The following KIF18A variants were observed in gnomAD, a reference collection of about 807,000 sequenced individuals.
The protein encoded by KIF18A is kinesin family member 18A.
A neutral mutation model predicts 103.3 loss-of-function variants in KIF18A; 67 were observed. The observed-to-expected ratio is 0.65, with a 90% CI of 0.53 to 0.79. KIF18A has a LOEUF of 0.79. Among genes scored for constraint, KIF18A ranks in the 30% least tolerant of loss-of-function variants. KIF18A has a pLI of 0.00. For missense variants in KIF18A, 1,032 were observed against 1,062.5 expected (o/e 0.97, Z 0.40); for synonymous variants, 367 against 355.5 (o/e 1.03, Z -0.36).
intron 13 of KIF18A, among the ~76,000 whole-genome samples, chr11:28,048,710 A>G (rs1850671487): frequency 6.6e-6 from 1 of 152,154 alleles, no homozygotes; most frequent in Non-Finnish European, 1.5e-5. Context: ...AAGGAATAAA[A>G]AACTTAAAAG....
At chr11:28,091,924 TG>T (rs1851310159) in intron 3 of KIF18A, among the ~76,000 whole-genome samples, 1 of 152,214 alleles carries the variant, frequency 6.6e-6, no homozygotes, top group African/African-American at 2.4e-5. Flanking sequence ...CTCACCATTC[TG>T]CTGCCTCAGC....
chr11:28,106,833 T>C (rs1311762907), intron 1 of KIF18A, among the ~76,000 whole-genome samples: 2 of 151,934 alleles, frequency 1.3e-5, no homozygotes, highest in African/African-American at 4.8e-5. Flanking sequence ...TAGCCGAGTG[T>C]GGTGGCAAAC....
rs768322186 is a variant in KIF18A at position 28,036,405 on chromosome 11, G to A, written c.2208C>T (p.Ser736=). The A allele has an allele frequency of 6.2e-7, 1 of 1,611,044 alleles. No homozygotes were observed. The highest frequency in any genetic ancestry group is 1.1e-5 in the South Asian group (1 of 90,996). ...GACAATTATCACTGTTTATGTTTGA[G>A]CTGATAGCCTGAAAACTTGTAGTAA... ...SSFTTSFQAI[S]SNINSDNCLK... Residue 736 remains serine (S), a synonymous_variant, in exon 14 of 17, where the codon AGC becomes AGT. Coordinates refer to ENST00000263181, the MANE Select transcript of KIF18A (RefSeq NM_031217.4).
At chr11:28,073,036 T>C (rs181555358) in intron 10 of KIF18A, among the ~76,000 whole-genome samples, 21 of 152,240 alleles carry the variant, frequency 1.4e-4, no homozygotes, top group African/African-American at 4.6e-4. Flanking sequence ...GATTTTAGAC[T>C]CCTAGCAACC....
Position 28,023,832 on chromosome 11 carries a change from C to T in KIF18A, c.2523G>A (p.Ser841=), listed in dbSNP as rs763268791. ...ATCCAGAATTTACGTCTGCAGTTAA[C>T]GAACTGTTTGATGTAGAACTTGAGA... is the stretch of plus-strand genomic sequence containing the variant. The part of the protein sequence containing the change: ...RKLTSSTSNS[S]LTADVNSGFA... The change falls in exon 16 of 17, where the codon TCG becomes TCA. Residue 841 remains serine, a synonymous_variant. Transcript: ENST00000263181. 1.9e-5 allele frequency: 30 copies of T among 1,609,600 alleles called. No homozygotes were observed. Among genetic ancestry groups the T allele is most frequent in the East Asian group, 4.5e-5 (2 of 44,758 alleles).
chr11:28,031,241 A>G (rs907328742), intron 15 of KIF18A, among the ~76,000 whole-genome samples: 1 of 152,206 alleles, frequency 6.6e-6, no homozygotes, highest in Non-Finnish European at 1.5e-5. Flanking sequence ...ACGTATGTTT[A>G]TTGCGGCACT....
chr11:28,052,155 C>T (rs1211403428), intron 13 of KIF18A, among the ~76,000 whole-genome samples: 1 of 152,078 alleles, frequency 6.6e-6, no homozygotes, highest in African/African-American at 2.4e-5. Flanking sequence ...CATCTTTTGC[C>T]TGGGTTATTC....
chr11:28,093,931 CA>C (rs1851334612), intron 3 of KIF18A, among the ~76,000 whole-genome samples: 1 of 152,124 alleles, frequency 6.6e-6, no homozygotes, highest in Admixed American at 6.5e-5. Context: ...AACGTATCTT[CA>C]AAGTGGAGAA....
chr11:28,049,897 T>C (rs1001568308), intron 13 of KIF18A, among the ~76,000 whole-genome samples: 1 of 151,850 alleles, frequency 6.6e-6, no homozygotes, highest in Non-Finnish European at 1.5e-5. Context: ...ACTTATCTTA[T>C]AAGATAAAGT....
At position 28,084,746 on chromosome 11, in the gene KIF18A, A is replaced by G. The variant is rs1184571358; in HGVS notation, c.960T>C (p.Leu320=). 6.2e-7 allele frequency: 1 copy of G among 1,612,996 alleles called. No homozygotes were observed. The highest frequency in any genetic ancestry group is 1.1e-5 in the South Asian group (1 of 91,046). Residue 320 remains leucine (L), a synonymous_variant, in exon 7 of 17, where the codon CTT becomes CTC. Transcript: ENST00000263181. ...SKLTRLLKDS[L]GGNCQTIMIA... is the part of the protein sequence containing the mutation. ...TCATTATAGTTTGACAGTTTCCTCC[A>G]AGAGAATCCTTTAACAAGCGAGTAA...
At chr11:28,035,535 T>G (rs1850475063) in intron 14 of KIF18A, 41 bp from the exon 15 acceptor site, 29 of 1,219,876 alleles carry the variant, frequency 2.4e-5, no homozygotes, top group Non-Finnish European at 3.3e-5. Flanking sequence ...ATAATTTTGA[T>G]TTGAACTATG....
At chr11:28,100,563 G>GC (rs945924095) in intron 1 of KIF18A, among the ~76,000 whole-genome samples, 4 of 150,684 alleles carry the variant, frequency 2.7e-5, no homozygotes, top group South Asian at 4.2e-4. Context: ...GTGAGTGAAG[G>GC]GGGGGGGTGG....
intron 15 of KIF18A, among the ~76,000 whole-genome samples, chr11:28,033,520 A>T (rs1273618839): frequency 6.6e-6 from 1 of 151,894 alleles, no homozygotes; most frequent in Non-Finnish European, 1.5e-5. Flanking sequence ...ATAGAGTACC[A>T]TTCAGCCATG....
chr11:28,077,102 C>G lies in KIF18A; in HGVS notation c.1330G>C (p.Glu444Gln). The G allele has an allele frequency of 1.9e-6, 3 of 1,577,486 alleles. No homozygotes were observed. Among genetic ancestry groups the G allele is most frequent in the Non-Finnish European group, 2.6e-6 (3 of 1,167,440 alleles). The change falls in exon 10 of 17, where the codon GAA becomes CAA. Residue 444 changes from glutamate to glutamine, a missense_variant. Physicochemically the swap from Glu to Gln is conservative, Grantham distance 29. Coordinates refer to ENST00000263181, the MANE Select transcript of KIF18A (RefSeq NM_031217.4). ...EEIRQEYLKL[E>Q]MLLKENELKS... ...AGTTCATTTTCTTTAAGTAACATTT[C>G]CAACTTCAGATATTCTTGTCTAATT...
rs186659790 is a variant in KIF18A at position 28,041,048 on chromosome 11, A to G, written c.1949-4384T>C. On this transcript the variant is annotated intron_variant, in intron 13 of 16. Transcript: ENST00000263181. ...AAAAAGTTGTAGTCAGCTATGGTAC[A>G]AAAGCAACAATCTAAAAGGAGTACA... 3.0e-3 allele frequency among the ~76,000 whole-genome samples: 459 copies of G among 151,908 alleles called. 1 individual carries two copies. The highest frequency in any genetic ancestry group is 5.1e-3 in the Non-Finnish European group (347 of 67,826).
chr11:28,099,388 A>C (rs892866175), intron 1 of KIF18A, among the ~76,000 whole-genome samples: 1 of 152,116 alleles, frequency 6.6e-6, no homozygotes. Flanking sequence ...TCAGTTATAC[A>C]AGAGGAATAG....
At chr11:28,024,084 G>C (rs1850281763) in intron 15 of KIF18A, among the ~76,000 whole-genome samples, 1 of 151,132 alleles carries the variant, frequency 6.6e-6, no homozygotes, top group Non-Finnish European at 1.5e-5. Context: ...ATGATTGTAG[G>C]TGTATGTTAC....
rs553061627 is a variant in KIF18A, at chr11:28,035,572, T to C, written c.2397-78A>G. 1.5e-4 allele frequency: 112 copies of C among 747,530 alleles called. No individual in the cohort carries two copies. The South Asian group carries it at 1.9e-3, about 13-fold the overall frequency. The allele number at this position is 747,530 out of a possible 1,614,324, so 46.3% of individuals were successfully genotyped here. On this transcript the variant is annotated intron_variant, in intron 14 of 16. Coordinates refer to ENST00000263181, the MANE Select transcript of KIF18A (RefSeq NM_031217.4). ...AGAGAAAAGGAAGCAAATGTGTCCA[T>C]AATTAGAAAACCATTTGGTATTAAT... is the stretch of plus-strand genomic sequence containing the variant.
chr11:28,029,229 A>T (rs1850362950), intron 15 of KIF18A, among the ~76,000 whole-genome samples: 2 of 152,136 alleles, frequency 1.3e-5, no homozygotes, highest in Non-Finnish European at 2.9e-5. Context: ...ACAACAAAAA[A>T]AGAGAATTTT....
Sources: gnomAD v4.1 joint callset for allele counts (sites outside exome capture counted in the v4.1 genomes callset) on GRCh38, gnomAD v4.1.1 for gene constraint, MANE v1.5 for transcripts, NCBI Gene and HGNC (gene_info 2026-07-23, HGNC 2026-07-21) for gene names.